Variants in PREX1 observed in about 807,000 individuals in gnomAD.
The protein encoded by PREX1 is phosphatidylinositol-3,4,5-trisphosphate dependent Rac exchange factor 1.
Under a neutral mutation model 198.3 loss-of-function variants are expected in PREX1, and 41 were observed. The ratio of observed to expected loss-of-function variants is 0.21; its 90% CI spans 0.16 to 0.27. The LOEUF (loss-of-function observed/expected upper bound fraction) is 0.27. PREX1 is among the 10% of genes least tolerant of loss of function. The pLI, the probability that PREX1 is intolerant of heterozygous loss-of-function variation, is 1.00. For missense variants in PREX1, 1,620 were observed against 2,200.7 expected, an observed-to-expected ratio of 0.74 and a Z score of 5.28; for synonymous variants, 843 against 887.2, an observed-to-expected ratio of 0.95 and a Z score of 0.89.
intron 15 of PREX1, among the ~76,000 whole-genome samples, chr20:48,664,084 A>AG (rs1568811625): frequency 1.3e-5 from 2 of 152,172 alleles, no homozygotes; most frequent in Non-Finnish European, 2.9e-5. Context: ...CTTAAAAAAA[A>AG]GAGAATCTGG....
intron 1 of PREX1, among the ~76,000 whole-genome samples, chr20:48,797,371 T>G (rs1437275440): frequency 1.5e-5 from 2 of 134,596 alleles, no homozygotes; most frequent in Middle Eastern, 4.2e-3. Context: ...TGAAGCCCAT[T>G]CATGTTGGAG....
At chr20:48,715,627 G>A (rs1402994503) in intron 5 of PREX1, among the ~76,000 whole-genome samples, 1 of 152,148 alleles carries the variant, frequency 6.6e-6, no homozygotes. Flanking sequence ...AGGATCCAAT[G>A]GGGTGATGAA....
chr20:48,692,609 A>G, intron 8 of PREX1, 63 bp downstream of exon 8: 1 of 1,317,924 alleles, frequency 7.6e-7, no homozygotes, highest in Middle Eastern at 1.9e-4. Context: ...AATGAAACAG[A>G]GAGAGTGCCA....
intron 1 of PREX1, among the ~76,000 whole-genome samples, chr20:48,769,459 C>A (rs896318499): frequency 6.6e-6 from 1 of 152,176 alleles, no homozygotes; most frequent in African/African-American, 2.4e-5. Context: ...AGGCATGGGG[C>A]CGGCTTCGTA....
At chr20:48,655,467 T>C (rs2089535831) in intron 18 of PREX1, 92 bp from the exon 19 acceptor site, 1 of 1,126,634 alleles carries the variant, frequency 8.9e-7, no homozygotes, top group Non-Finnish European at 1.2e-6. Flanking sequence ...ACTTTCTGCC[T>C]TGGAAACACT....
chr20:48,802,832 T>C lies in PREX1; in HGVS notation c.219+24810A>G, dbSNP rs62210152. On this transcript the variant is annotated intron_variant, in intron 1 of 39. Coordinates refer to ENST00000371941, the MANE Select transcript of PREX1 (RefSeq NM_020820.4). ...TGGTGTGGGAATCCCCCATTCCCTT[T>C]GCAACAAGGGCTCTGAGAGAAGCCA... Among the ~76,000 whole-genome samples, 1,407 of 152,344 alleles carry C rather than the reference T, an allele frequency of 9.2e-3. 13 individuals carry two copies. The highest frequency in any genetic ancestry group is 0.013 in the Non-Finnish European group (913 of 68,030).
chr20:48,848,270 T>C, the PREX1 span, among the ~76,000 whole-genome samples: 1 of 151,958 alleles, frequency 6.6e-6, no homozygotes, highest in Non-Finnish European at 1.5e-5. Flanking sequence ...TTTGTTTCTT[T>C]TTGAGACAAG....
intron 1 of PREX1, among the ~76,000 whole-genome samples, chr20:48,750,643 C>A (rs562602672): frequency 2.0e-5 from 3 of 152,186 alleles, no homozygotes; most frequent in Non-Finnish European, 4.4e-5. Context: ...CTCATCCATC[C>A]GGCCTTAGTT....
chr20:48,868,836 C>G, the PREX1 span, among the ~76,000 whole-genome samples: 1 of 152,072 alleles, frequency 6.6e-6, no homozygotes, highest in East Asian at 1.9e-4. Flanking sequence ...TTGTTTTACA[C>G]CGTGCTTTTT....
At chr20:48,802,322 T>C (rs1300691076) in intron 1 of PREX1, among the ~76,000 whole-genome samples, 1 of 152,118 alleles carries the variant, frequency 6.6e-6, no homozygotes, top group Non-Finnish European at 1.5e-5. Context: ...AGCCCCCACA[T>C]GGTGCTCAGA....
At chr20:48,859,173 T>C in the PREX1 span, among the ~76,000 whole-genome samples, 3 of 152,182 alleles carry the variant, frequency 2.0e-5, no homozygotes, top group East Asian at 5.8e-4. Flanking sequence ...AGTGCTAGGA[T>C]TACAGGTGGG....
In PREX1 at chr20:48,723,245, G is replaced by A. The variant is rs1193805918; in HGVS notation, c.621+3045C>T. Among the ~76,000 whole-genome samples the A allele has an allele frequency of 2.0e-5, 3 of 152,228 alleles. No individual in the cohort carries two copies. The South Asian group carries it at 6.2e-4, about 31-fold the overall frequency. On this transcript the variant is annotated intron_variant, in intron 5 of 39. Coordinates refer to ENST00000371941, the MANE Select transcript of PREX1 (RefSeq NM_020820.4). ...CAAACAAGAGGGCTCAGAGGGCCAC[G>A]GGGACCCCTGCAAGGGCATCTGAAT...
At chr20:48,660,110 T>A in intron 15 of PREX1, 49 bp from the exon 16 acceptor site, 1 of 1,603,742 alleles carries the variant, frequency 6.2e-7, no homozygotes, top group African/African-American at 1.3e-5. Flanking sequence ...CAGGGAAAGT[T>A]TCAGCCATGT....
At chr20:48,698,716 G>A (rs1337313687) in intron 7 of PREX1, among the ~76,000 whole-genome samples, 1 of 152,188 alleles carries the variant, frequency 6.6e-6, no homozygotes, top group East Asian at 1.9e-4. Context: ...AGGGCAATGG[G>A]GAAGGGCCTG....
chr20:48,789,378 A>T (rs1409714452), intron 1 of PREX1, among the ~76,000 whole-genome samples: 3 of 152,200 alleles, frequency 2.0e-5, no homozygotes, highest in African/African-American at 7.2e-5. Flanking sequence ...GGTAATAACA[A>T]CATCATCAAC....
the PREX1 span, among the ~76,000 whole-genome samples, chr20:48,883,323 T>G: frequency 6.6e-6 from 1 of 152,074 alleles, no homozygotes; most frequent in Non-Finnish European, 1.5e-5. Context: ...AATGAATGCT[T>G]TCCCCCTAAA....
intron 1 of PREX1, among the ~76,000 whole-genome samples, chr20:48,771,511 C>T (rs2090235843): frequency 6.6e-6 from 1 of 152,004 alleles, no homozygotes; most frequent in Non-Finnish European, 1.5e-5. Flanking sequence ...GTGGCTCACG[C>T]CTGTAATCCC....
chr20:48,793,978 GAGA>G (rs1403605476), intron 1 of PREX1, among the ~76,000 whole-genome samples: 2 of 152,170 alleles, frequency 1.3e-5, no homozygotes, highest in African/African-American at 4.8e-5. Flanking sequence ...GTCTGGCCAG[GAGA>G]AGAACCCCTT....
intron 5 of PREX1, among the ~76,000 whole-genome samples, chr20:48,725,145 C>T (rs2090004023): frequency 6.6e-6 from 1 of 152,196 alleles, no homozygotes; most frequent in Non-Finnish European, 1.5e-5. Context: ...ATGAAGAATG[C>T]CCTGGTACCC....
Sources: allele counts gnomAD v4.1 joint callset (sites outside exome capture counted in the v4.1 genomes callset), GRCh38; gene constraint gnomAD v4.1.1; transcripts MANE v1.5; gene names NCBI Gene and HGNC (gene_info 2026-07-23, HGNC 2026-07-21).